Variants in SYT16 observed in about 807,000 individuals in gnomAD.
The protein encoded by SYT16 is synaptotagmin-16.
In SYT16, 42 loss-of-function variants were observed where a neutral mutation model predicts 61.4. The ratio of observed to expected loss-of-function variants is 0.68; its 90% CI spans 0.53 to 0.89. The LOEUF is 0.89. SYT16 is among the 40% of genes least tolerant of loss of function. SYT16 has a pLI of 0.00. For missense variants in SYT16, 804 were observed against 807.3 expected (o/e 1.00, Z 0.05); for synonymous variants, 314 against 302.3 (o/e 1.04, Z -0.40).
At chr14:62,086,513 CAAAA>C (rs199906899) in intron 7 of SYT16, among the ~76,000 whole-genome samples, 2 of 151,660 alleles carry the variant, frequency 1.3e-5, no homozygotes, top group Admixed American at 1.3e-4. Context: ...AACAAACAAA[CAAAA>C]AATTGTGTTA....
At position 62,085,761 on chromosome 14, in the gene SYT16, A is replaced by C. The variant is rs539886821; in HGVS notation, c.1624+1376A>C. 2.6e-5 allele frequency among the ~76,000 whole-genome samples: 4 copies of C among 152,340 alleles called. No homozygotes were observed. In the East Asian group the frequency reaches 5.8e-4, roughly 22 times the overall value. ...AGACTGGGTTTATCAGCCATATTCT[A>C]TGTCGACACTCAGAGCCACATGAGG... On this transcript the variant is annotated intron_variant, in intron 7 of 7. Transcript: ENST00000683842.
intron 1 of SYT16, among the ~76,000 whole-genome samples, chr14:61,907,338 T>G (rs139235800): frequency 6.6e-6 from 1 of 152,362 alleles, no homozygotes; most frequent in East Asian, 1.9e-4. Flanking sequence ...AATGAAAATG[T>G]ACTTCATTAA....
chr14:61,865,390 T>G, intron 1 of SYT16: 1 of 620,196 alleles, frequency 1.6e-6, no homozygotes, highest in Non-Finnish European at 3.0e-6. Flanking sequence ...TCTCCTCATT[T>G]ATGTGATTTA....
chr14:61,875,055 G>C (rs541803938), intron 1 of SYT16, among the ~76,000 whole-genome samples: 1 of 152,274 alleles, frequency 6.6e-6, no homozygotes, highest in East Asian at 1.9e-4. Context: ...ACCTGCCTGG[G>C]AGCTTGTTAG....
intron 1 of SYT16, among the ~76,000 whole-genome samples, chr14:61,931,383 G>A (rs1444870404): frequency 6.6e-6 from 1 of 151,598 alleles, no homozygotes; most frequent in Non-Finnish European, 1.5e-5. Flanking sequence ...AAAAATATTC[G>A]CTTGTTTTTT....
chr14:62,011,906 T>C (rs1037665994), intron 3 of SYT16, among the ~76,000 whole-genome samples: 1,358 of 66,458 alleles, frequency 0.02, 15 homozygotes, highest in African/African-American at 0.064. Flanking sequence ...CACACACACA[T>C]ATATATACAC....
chr14:62,020,053 T>G (rs1049978968), intron 3 of SYT16, among the ~76,000 whole-genome samples: 1 of 152,198 alleles, frequency 6.6e-6, no homozygotes, highest in Non-Finnish European at 1.5e-5. Context: ...TTTAAATTCA[T>G]GAAGGAATTT....
At chr14:62,074,272 G>A (rs1213141353) in intron 4 of SYT16, among the ~76,000 whole-genome samples, 1 of 152,178 alleles carries the variant, frequency 6.6e-6, no homozygotes, top group Admixed American at 6.5e-5. Context: ...GACTGAAGGA[G>A]TCAGGGAAGT....
intron 1 of SYT16, among the ~76,000 whole-genome samples, chr14:61,887,674 A>G (rs2047961712): frequency 6.6e-6 from 1 of 152,116 alleles, no homozygotes; most frequent in East Asian, 1.9e-4. Context: ...CTTTCCTTAA[A>G]CCTCATGAAC....
intron 1 of SYT16, among the ~76,000 whole-genome samples, chr14:61,886,091 A>T (rs1436591282): frequency 2.0e-5 from 3 of 151,418 alleles, no homozygotes; most frequent in Non-Finnish European, 4.4e-5. Flanking sequence ...CAGCCTCCTG[A>T]GTAGCTGGGA....
At position 62,104,690 on chromosome 14, in the gene SYT16, T is replaced by G. The variant is rs1005742020; in HGVS notation, c.*3983T>G. 3 of 152,230 alleles carry G rather than the reference T, an allele frequency of 2.0e-5. No homozygotes were observed. 9.4% of individuals were successfully genotyped at this position (152,230 alleles called of 1,614,324 possible). ...CGAAACTGTGCTAAGACAATGAGATTGGCATAGCACAGTGAAGTTGGCACA... is the reference window on the plus strand; with the variant it reads ...CGAAACTGTGCTAAGACAATGAGATGGGCATAGCACAGTGAAGTTGGCACA... On this transcript the variant is annotated 3_prime_UTR_variant, in exon 8 of 8. Transcript: ENST00000683842.
chr14:62,076,427 C>T (rs115168135), intron 5 of SYT16, among the ~76,000 whole-genome samples: 274 of 148,336 alleles, frequency 1.8e-3, no homozygotes, highest in African/African-American at 6.5e-3. Flanking sequence ...GTGTCACACA[C>T]GCTAAATGCT....
intron 1 of SYT16, among the ~76,000 whole-genome samples, chr14:61,928,050 A>G (rs2049605108): frequency 6.6e-6 from 1 of 152,228 alleles, no homozygotes. Flanking sequence ...TGAAAATAGT[A>G]CAAGAACTGT....
intron 7 of SYT16, among the ~76,000 whole-genome samples, chr14:62,089,704 C>T (rs149962808): frequency 2.1e-4 from 32 of 152,272 alleles, no homozygotes; most frequent in African/African-American, 7.2e-4. Context: ...ATTTACTACA[C>T]GTGGTCAGTG....
chr14:61,854,941 T>A (rs2046730170), intron 1 of SYT16, among the ~76,000 whole-genome samples: 1 of 152,156 alleles, frequency 6.6e-6, no homozygotes, highest in Non-Finnish European at 1.5e-5. Context: ...TTGTGGGATC[T>A]TTCTTTTGCT....
chr14:61,821,348 A>G (rs1318166129), intron 1 of SYT16, among the ~76,000 whole-genome samples: 1 of 152,146 alleles, frequency 6.6e-6, no homozygotes, highest in Non-Finnish European at 1.5e-5. Context: ...TATATTTGTT[A>G]TCTATTGCTG....
At chr14:61,987,548 A>G (rs995487294) in intron 2 of SYT16, among the ~76,000 whole-genome samples, 2 of 152,196 alleles carry the variant, frequency 1.3e-5, no homozygotes, top group Admixed American at 6.5e-5. Flanking sequence ...AAGGCCATAG[A>G]GTTTAGAGTT....
rs1336721352 is a variant in SYT16, at chr14:61,984,676, G to C, written c.-144-11200G>C. The stretch of plus-strand genomic sequence containing the variant: ...TTAGTGAGAAATTGGAAGGATTCAA[G>C]GAGAAAGAGAAGGAAAAAGCAACAG... On this transcript the variant is annotated intron_variant, in intron 2 of 7. Coordinates refer to ENST00000683842, the MANE Select transcript of SYT16 (RefSeq NM_001367656.1). Among the ~76,000 whole-genome samples, 4 of 152,212 alleles carry C rather than the reference G, an allele frequency of 2.6e-5. No individual in the cohort carries two copies. In the East Asian group the frequency reaches 7.7e-4, roughly 29 times the overall value.
At chr14:62,075,002 G>A in intron 4 of SYT16, 133 bp from the exon 5 acceptor site, 2 of 932,128 alleles carry the variant, frequency 2.1e-6, no homozygotes, top group Non-Finnish European at 3.1e-6. Context: ...ATAGAATTAT[G>A]TTTCTGCAGG....
Sources: gnomAD v4.1 joint callset for allele counts (sites outside exome capture counted in the v4.1 genomes callset) on GRCh38, gnomAD v4.1.1 for gene constraint, MANE v1.5 for transcripts, NCBI Gene and HGNC (gene_info 2026-07-23, HGNC 2026-07-21) for gene names.